ERBB4: variants seen among roughly 807,000 people sequenced by gnomAD.
ERBB4 encodes receptor tyrosine-protein kinase erbB-4.
A neutral mutation model predicts 158.0 loss-of-function variants in ERBB4; 42 were observed. The ratio of observed to expected loss-of-function variants is 0.27; its 90% CI spans 0.21 to 0.34. ERBB4 has a LOEUF of 0.34. ERBB4 is among the 10% of genes least tolerant of loss of function. ERBB4 has a pLI of 1.00. For missense variants in ERBB4, 1,333 were observed against 1,624.1 expected (o/e 0.82, Z 3.08); for synonymous variants, 583 against 558.7 (o/e 1.04, Z -0.61).
intron 1 of ERBB4, among the ~76,000 whole-genome samples, chr2:212,260,341 C>T (rs72945653): frequency 9.3e-4 from 141 of 152,210 alleles, no homozygotes; most frequent in Non-Finnish European, 1.7e-3. Context: ...TAATTTGGTC[C>T]TGCTATTTGA....
intron 1 of ERBB4, among the ~76,000 whole-genome samples, chr2:212,206,873 C>A (rs1274237436): frequency 6.6e-6 from 1 of 151,984 alleles, no homozygotes; most frequent in Non-Finnish European, 1.5e-5. Context: ...CAGGCATGAG[C>A]CACCGCGCCC....
intron 1 of ERBB4, among the ~76,000 whole-genome samples, chr2:212,469,493 C>T (rs1407884887): frequency 2.0e-5 from 3 of 152,084 alleles, no homozygotes; most frequent in Non-Finnish European, 4.4e-5. Flanking sequence ...AATGTCATTG[C>T]TAGTTCAGAG....
chr2:212,228,321 C>T (rs2083545168), intron 1 of ERBB4, among the ~76,000 whole-genome samples: 1 of 152,122 alleles, frequency 6.6e-6, no homozygotes, highest in Admixed American at 6.6e-5. Flanking sequence ...CAAACCTGAA[C>T]TTTAGATGAT....
At chr2:212,085,739 TAAGG>T (rs2078585617) in intron 2 of ERBB4, among the ~76,000 whole-genome samples, 1 of 151,926 alleles carries the variant, frequency 6.6e-6, no homozygotes, top group African/African-American at 2.4e-5. Flanking sequence ...TATTTATTTA[TAAGG>T]AAGGTAAAAA....
chr2:212,524,009 A>C (rs1692313454), intron 1 of ERBB4, among the ~76,000 whole-genome samples: 1 of 151,974 alleles, frequency 6.6e-6, no homozygotes, highest in African/African-American at 2.4e-5. Context: ...AACATTGCTA[A>C]TCCCTCGTAT....
chr2:211,784,188 A>G (rs188997426), intron 4 of ERBB4, among the ~76,000 whole-genome samples: 94 of 152,328 alleles, frequency 6.2e-4, no homozygotes, highest in Admixed American at 2.5e-3. Flanking sequence ...TTGTTTTCCA[A>G]CAGATCTCCA....
At chr2:212,039,303 C>T (rs1033267844) in intron 2 of ERBB4, among the ~76,000 whole-genome samples, 3 of 152,128 alleles carry the variant, frequency 2.0e-5, no homozygotes, top group African/African-American at 7.2e-5. Context: ...GCCTTTGAAT[C>T]ATAAAATTTT....
intron 1 of ERBB4, among the ~76,000 whole-genome samples, chr2:212,286,767 A>ATTTTTTTTTAGTT (rs2085995646): frequency 2.5e-5 from 1 of 39,562 alleles, no homozygotes; most frequent in African/African-American, 1.1e-4. Flanking sequence ...ATGAGGGTTA[A>ATTTTTTTTTAGTT]TTTTTTTTTT....
chr2:211,705,120 C>G (rs1292420844), intron 10 of ERBB4, among the ~76,000 whole-genome samples, 198 bp downstream of exon 10: 1 of 151,996 alleles, frequency 6.6e-6, no homozygotes, highest in Non-Finnish European at 1.5e-5. Flanking sequence ...CCACACCCAG[C>G]TAATTTTTGT....
intron 19 of ERBB4, among the ~76,000 whole-genome samples, chr2:211,582,658 A>G (rs1311675510): frequency 6.6e-6 from 1 of 152,186 alleles, no homozygotes; most frequent in East Asian, 1.9e-4. Flanking sequence ...TCATATATTC[A>G]GAGTAATTAT....
At chr2:211,512,541 C>A (rs1391148965) in intron 20 of ERBB4, among the ~76,000 whole-genome samples, 3 of 151,428 alleles carry the variant, frequency 2.0e-5, no homozygotes, top group Admixed American at 1.3e-4. Context: ...AGTGAACAAA[C>A]ACAATGAAAT....
intron 16 of ERBB4, among the ~76,000 whole-genome samples, chr2:211,640,165 A>T (rs1045993214): frequency 2.6e-5 from 4 of 152,064 alleles, no homozygotes; most frequent in Non-Finnish European, 5.9e-5. Flanking sequence ...AGATTTTTTT[A>T]AAAATAAAAT....
Position 212,039,379 on chromosome 2 carries a change from G to A in ERBB4, c.234+85373C>T, listed in dbSNP as rs148249573. ...ATGGTTGAACTAATCTCTGACAACC[G>A]TAATTCTTCACCTTTGTGAAGGATC... On this transcript the variant is annotated intron_variant, in intron 2 of 27. Transcript: ENST00000342788. 1.1e-3 allele frequency among the ~76,000 whole-genome samples: 175 copies of A among 152,234 alleles called. 2 individuals are homozygous for A. The highest frequency in any genetic ancestry group is 3.1e-3 in the South Asian group (15 of 4,822).
At chr2:211,853,957 A>C (rs1201459456) in intron 3 of ERBB4, among the ~76,000 whole-genome samples, 2 of 152,102 alleles carry the variant, frequency 1.3e-5, no homozygotes, top group African/African-American at 4.8e-5. Flanking sequence ...TTCAAACAAC[A>C]GATATTTTCT....
intron 1 of ERBB4, among the ~76,000 whole-genome samples, chr2:212,349,796 G>A (rs2089175105): frequency 6.6e-6 from 1 of 151,876 alleles, no homozygotes; most frequent in South Asian, 2.1e-4. Flanking sequence ...CTTATATCTT[G>A]GCCAAAACTA....
chr2:211,515,912 A>ATATATATATATATTTTTTTT (rs35696520), intron 20 of ERBB4, among the ~76,000 whole-genome samples: 2 of 78,984 alleles, frequency 2.5e-5, no homozygotes, highest in African/African-American at 1.1e-4. Flanking sequence ...ATATATATAT[A>ATATATATATATATTTTTTTT]TTTTTTTTTT....
chr2:211,724,562 T>C (rs1013453615), intron 6 of ERBB4, among the ~76,000 whole-genome samples: 10 of 152,096 alleles, frequency 6.6e-5, no homozygotes, highest in African/African-American at 2.4e-4. Flanking sequence ...GAGTACTGTG[T>C]CAGGAATATG....
chr2:211,422,435 C>T (rs529245672), intron 23 of ERBB4, among the ~76,000 whole-genome samples: 20 of 135,978 alleles, frequency 1.5e-4, no homozygotes, highest in Non-Finnish European at 2.6e-4. Context: ...CTGGCACAAA[C>T]GGGAAAAGAG....
intron 1 of ERBB4, among the ~76,000 whole-genome samples, chr2:212,330,094 G>A (rs2088060633): frequency 1.3e-5 from 2 of 152,146 alleles, no homozygotes; most frequent in South Asian, 4.1e-4. Flanking sequence ...ATTTCAACAA[G>A]GGAGAAAAGA....
Sources: gnomAD v4.1 joint callset for allele counts (sites outside exome capture counted in the v4.1 genomes callset) on GRCh38, gnomAD v4.1.1 for gene constraint, MANE v1.5 for transcripts, NCBI Gene and HGNC (gene_info 2026-07-23, HGNC 2026-07-21) for gene names.